Variants in SGCZ observed in about 807,000 individuals in gnomAD.
SGCZ encodes the protein zeta-sarcoglycan.
In SGCZ, 40 loss-of-function variants were observed where a neutral mutation model predicts 41.3. The ratio of observed to expected loss-of-function variants is 0.97; its 90% CI spans 0.75 to 1.26. SGCZ has a LOEUF of 1.26. Ranked by LOEUF, SGCZ falls within the 50% of genes most tolerant of loss-of-function variation. The pLI is 0.00. For missense variants in SGCZ, 552 were observed against 369.8 expected (o/e 1.49, Z -4.04); for synonymous variants, 206 against 137.5 (o/e 1.50, Z -3.49).
intron 1 of SGCZ, among the ~76,000 whole-genome samples, chr8:15,185,751 A>G (rs115254257): frequency 6.6e-6 from 1 of 152,190 alleles, no homozygotes; most frequent in African/African-American, 2.4e-5. Context: ...AGAGTTATTT[A>G]TGATAAGATG....
rs529582959 is a variant in SGCZ at position 14,472,671 on chromosome 8, T to G, written c.234+82061A>C. Among the ~76,000 whole-genome samples, 8 of 152,260 alleles carry G rather than the reference T, an allele frequency of 5.3e-5. No individual in the cohort carries two copies. In the South Asian group the frequency reaches 1.7e-3, roughly 32 times the overall value. On this transcript the variant is annotated intron_variant, in intron 2 of 7. Coordinates refer to ENST00000382080, the MANE Select transcript of SGCZ (RefSeq NM_139167.4). The stretch of plus-strand genomic sequence containing the variant: ...ATTCTACTGGTCTCAAAAGGCAACA[T>G]GTATTGCCCTATTTAACTGGGAGAA...
chr8:15,181,020 A>G (rs190224311), intron 1 of SGCZ, among the ~76,000 whole-genome samples: 20 of 152,318 alleles, frequency 1.3e-4, no homozygotes, highest in African/African-American at 2.9e-4. Context: ...CATACAAACT[A>G]TTGCCATCTT....
At chr8:14,288,196 G>C (rs1010237370) in intron 3 of SGCZ, among the ~76,000 whole-genome samples, 1 of 151,942 alleles carries the variant, frequency 6.6e-6, no homozygotes, top group Non-Finnish European at 1.5e-5. Context: ...TACTTTTTCA[G>C]TGTATTATAA....
At chr8:14,446,509 T>C (rs1400107016) in intron 2 of SGCZ, among the ~76,000 whole-genome samples, 1 of 152,224 alleles carries the variant, frequency 6.6e-6, no homozygotes, top group East Asian at 1.9e-4. Context: ...TGAAGAGTGG[T>C]AATAAATTCT....
intron 2 of SGCZ, among the ~76,000 whole-genome samples, chr8:14,393,423 G>A (rs1363449470): frequency 6.6e-6 from 1 of 152,094 alleles, no homozygotes. Context: ...ATAAAGAGCA[G>A]ACAAAATGGC....
chr8:15,169,957 T>A (rs182218952), intron 1 of SGCZ, among the ~76,000 whole-genome samples: 1 of 152,216 alleles, frequency 6.6e-6, no homozygotes, highest in Non-Finnish European at 1.5e-5. Flanking sequence ...TCATAGATAT[T>A]TGTTTCCAGT....
chr8:14,534,112 G>A (rs183572888), intron 2 of SGCZ, among the ~76,000 whole-genome samples: 27 of 152,090 alleles, frequency 1.8e-4, no homozygotes, highest in African/African-American at 4.6e-4. Context: ...TACATCCTTC[G>A]GGAATCTAGC....
intron 3 of SGCZ, among the ~76,000 whole-genome samples, chr8:14,306,267 G>A (rs908697386): frequency 6.6e-6 from 1 of 151,978 alleles, no homozygotes; most frequent in Non-Finnish European, 1.5e-5. Context: ...CATTATAGAT[G>A]GACATAAAGT....
chr8:14,983,635 G>A (rs1009582651), intron 1 of SGCZ, among the ~76,000 whole-genome samples: 5 of 152,120 alleles, frequency 3.3e-5, no homozygotes, highest in Admixed American at 6.5e-5. Flanking sequence ...GTGAGCCACC[G>A]TGCCCAGCCT....
intron 1 of SGCZ, among the ~76,000 whole-genome samples, chr8:14,863,502 G>C (rs548378573): frequency 5.3e-5 from 8 of 152,040 alleles, no homozygotes; most frequent in South Asian, 4.2e-4. Flanking sequence ...AAATAGTGAG[G>C]TTTCTAGCGC....
intron 3 of SGCZ, among the ~76,000 whole-genome samples, chr8:14,285,415 A>C (rs1306474953): frequency 6.6e-6 from 1 of 151,996 alleles, no homozygotes; most frequent in Non-Finnish European, 1.5e-5. Context: ...GCTCAGCATA[A>C]CTCCTGAGCC....
chr8:14,937,964 C>T (rs1319825173), intron 1 of SGCZ, among the ~76,000 whole-genome samples: 4 of 152,036 alleles, frequency 2.6e-5, no homozygotes, highest in Admixed American at 6.5e-5. Context: ...TAAGTACATA[C>T]TTTTATTTGG....
intron 1 of SGCZ, among the ~76,000 whole-genome samples, chr8:14,996,404 T>G (rs1802222054): frequency 6.6e-6 from 1 of 152,062 alleles, no homozygotes; most frequent in Non-Finnish European, 1.5e-5. Context: ...TTTATTTTGT[T>G]TTTGTTTTGT....
intron 1 of SGCZ, among the ~76,000 whole-genome samples, chr8:14,890,458 T>C (rs1428093388): frequency 6.6e-6 from 1 of 152,174 alleles, no homozygotes; most frequent in Non-Finnish European, 1.5e-5. Context: ...CGAAAGCCTA[T>C]TCAAGTGCAA....
intron 1 of SGCZ, among the ~76,000 whole-genome samples, chr8:15,120,970 G>C (rs1037118605): frequency 4.6e-5 from 7 of 152,156 alleles, no homozygotes; most frequent in African/African-American, 1.7e-4. Context: ...CATGACAGCA[G>C]CCCTGCTGGG....
intron 2 of SGCZ, among the ~76,000 whole-genome samples, chr8:14,342,762 G>C (rs139838566): frequency 0.011 from 1,642 of 152,312 alleles, 18 homozygotes; most frequent in Non-Finnish European, 0.018. Context: ...CCATTTTCTG[G>C]GGAAAAATTC....
chr8:14,479,251 G>A (rs28654784), intron 2 of SGCZ, among the ~76,000 whole-genome samples: 1 of 149,400 alleles, frequency 6.7e-6, no homozygotes, highest in African/African-American at 2.5e-5. Flanking sequence ...ACTGTTGTAG[G>A]TCCAAGAGTC....
chr8:14,362,752 G>T (rs1356118527), intron 2 of SGCZ, among the ~76,000 whole-genome samples: 1 of 152,168 alleles, frequency 6.6e-6, no homozygotes. Context: ...AGATGAAAAT[G>T]CAGAAATCAC....
At chr8:14,231,196 T>TGTGTGTGTGTGTGTGG (rs1554483289) in intron 4 of SGCZ, among the ~76,000 whole-genome samples, 2 of 101,406 alleles carry the variant, frequency 2.0e-5, no homozygotes, top group East Asian at 2.7e-4. Flanking sequence ...TGTGTGTGTG[T>TGTGTGTGTGTGTGTGG]AGTGGGGAGA....
Sources: gnomAD v4.1 joint callset for allele counts (sites outside exome capture counted in the v4.1 genomes callset) on GRCh38, gnomAD v4.1.1 for gene constraint, MANE v1.5 for transcripts, NCBI Gene and HGNC (gene_info 2026-07-23, HGNC 2026-07-21) for gene names.